Variants in PTGS1 observed in about 807,000 individuals in gnomAD.
PTGS1 encodes prostaglandin G/H synthase 1.
Under a neutral mutation model 63.0 loss-of-function variants are expected in PTGS1, and 40 were observed. The ratio of observed to expected loss-of-function variants is 0.63; its 90% CI spans 0.49 to 0.83. PTGS1 has a LOEUF of 0.83. Among genes scored for constraint, PTGS1 ranks in the 40% least tolerant of loss-of-function variants. The probability of loss-of-function intolerance (pLI) is 0.00; values close to 1 mark genes in which losing one functional copy is unlikely to be tolerated. For missense variants in PTGS1, 709 were observed against 786.5 expected (o/e 0.90, Z 1.18); for synonymous variants, 298 against 301.9 (o/e 0.99, Z 0.13).
intron 10 of PTGS1, among the ~76,000 whole-genome samples, chr9:122,391,835 A>G (rs1209659866): frequency 6.6e-6 from 1 of 152,054 alleles, no homozygotes; most frequent in Non-Finnish European, 1.5e-5. Flanking sequence ...TCTGTCTGTG[A>G]AGGAAGCCAG....
In PTGS1 at chr9:122,392,782, C is replaced by A; in HGVS notation, c.*238C>A. 1 of 451,176 alleles carries A rather than the reference C, an allele frequency of 2.2e-6. No individual in the cohort carries two copies. Among genetic ancestry groups the A allele is most frequent in the East Asian group, 3.3e-5 (1 of 30,514 alleles). 27.9% of individuals were successfully genotyped at this position (451,176 alleles called of 1,614,324 possible). On this transcript the variant is annotated 3_prime_UTR_variant, in exon 11 of 11. Transcript: ENST00000362012. Reference sequence around the variant, plus strand: ...TTGTTAGGAGTGGTTCTCATTTGGTCTGCCAGAATACTGGGTTCTTAGTTG... The same window carrying A: ...TTGTTAGGAGTGGTTCTCATTTGGTATGCCAGAATACTGGGTTCTTAGTTG...
At chr9:122,391,630 A>C (rs12005866) in intron 10 of PTGS1, among the ~76,000 whole-genome samples, 1 of 151,082 alleles carries the variant, frequency 6.6e-6, no homozygotes, top group African/African-American at 2.4e-5. Flanking sequence ...GAACATGTGG[A>C]TATTGCAGAG....
In PTGS1 at chr9:122,371,268, G is replaced by A. The variant is rs761424002; in HGVS notation, c.90G>A (p.Thr30=). ...TGCTCGCGGACCCAGGGGCGCCCAC[G>A]CCAGGTAGGCGGCCCCATCCCTCCC... ...PVLLADPGAP[T]PVNPCCYYPC... Residue 30 remains threonine, a synonymous_variant, in exon 2 of 11, where the codon ACG becomes ACA. Coordinates refer to ENST00000362012, the MANE Select transcript of PTGS1 (RefSeq NM_000962.4). 1 of 1,604,440 alleles carries A rather than the reference G, an allele frequency of 6.2e-7. No homozygotes were observed. Among genetic ancestry groups the A allele is most frequent in the Non-Finnish European group, 8.5e-7 (1 of 1,179,892 alleles).
In PTGS1 at chr9:122,386,651, G is replaced by A; in HGVS notation, c.1215G>A (p.Gln405=). ...GCTCCCAGGAGTACAGCTACGAGCA[G>A]TTCTTGTTCAACACCTCCATGTTGG... ...KVGSQEYSYE[Q]FLFNTSMLVD... Residue 405 remains glutamine, a synonymous_variant, in exon 9 of 11, where the codon CAG becomes CAA. Coordinates refer to ENST00000362012, the MANE Select transcript of PTGS1 (RefSeq NM_000962.4). 6.2e-7 allele frequency: 1 copy of A among 1,614,222 alleles called. No individual in the cohort carries two copies. The highest frequency in any genetic ancestry group is 8.5e-7 in the Non-Finnish European group (1 of 1,180,048).
chr9:122,383,993 A>C (rs1395845429), intron 8 of PTGS1, among the ~76,000 whole-genome samples: 1 of 152,204 alleles, frequency 6.6e-6, no homozygotes, highest in Non-Finnish European at 1.5e-5. Context: ...GGCAACTAGC[A>C]CATAGCAGGC....
In PTGS1 at chr9:122,371,232, G is replaced by T; in HGVS notation, c.54G>T (p.Pro18=). Residue 18 remains proline (P), a synonymous_variant, in exon 2 of 11, where the codon CCG becomes CCT. Coordinates refer to ENST00000362012, the MANE Select transcript of PTGS1 (RefSeq NM_000962.4). ...TGCTGTTCCTGCTCCTGCTCCCGCC[G>T]CTCCCCGTCCTGCTCGCGGACCCAG... is the stretch of plus-strand genomic sequence containing the variant. ...WFLLFLLLLP[P]LPVLLADPGA... 1 of 1,607,772 alleles carries T rather than the reference G, an allele frequency of 6.2e-7. No individual in the cohort carries two copies.
At chr9:122,391,367 A>ATG (rs1370252043) in intron 10 of PTGS1, among the ~76,000 whole-genome samples, 6 of 88,178 alleles carry the variant, frequency 6.8e-5, no homozygotes, top group African/African-American at 4.2e-4. Flanking sequence ...ACATATATAT[A>ATG]TATACATATA....
rs780776712 is a variant in PTGS1 at position 122,378,536 on chromosome 9, C to T, written c.315C>T (p.Thr105=). ...GRWFWEFVNA[T]FIREMLMRLV... is the part of the protein sequence containing the mutation. ...GGTTCTGGGAGTTTGTCAATGCCAC[C>T]TTCATCCGAGAGATGCTCATGCGCC... Residue 105 remains threonine (T), a synonymous_variant, in exon 4 of 11, where the codon ACC becomes ACT. Transcript: ENST00000362012. The T allele has an allele frequency of 6.8e-6, 11 of 1,614,114 alleles. No homozygotes were observed. The highest frequency in any genetic ancestry group is 9.3e-6 in the Non-Finnish European group (11 of 1,180,048).
chr9:122,376,509 A>C (rs1221468955), intron 2 of PTGS1, among the ~76,000 whole-genome samples: 1 of 152,130 alleles, frequency 6.6e-6, no homozygotes, highest in East Asian at 1.9e-4. Flanking sequence ...GATAGGGGGC[A>C]GGTCTTGCCC....
At position 122,378,926 on chromosome 9, in the gene PTGS1, G is replaced by A; in HGVS notation, c.496+8G>A. ...CACCCATGGGAACCAAAGGTAAAATGGGGTGAGGAGCTGGGCCTGGGGATT... is the reference window on the plus strand; with the variant it reads ...CACCCATGGGAACCAAAGGTAAAATAGGGTGAGGAGCTGGGCCTGGGGATT... On this transcript the variant is annotated splice_region_variant and intron_variant, in intron 5 of 10. Coordinates refer to ENST00000362012, the MANE Select transcript of PTGS1 (RefSeq NM_000962.4). 2 of 1,614,096 alleles carry A rather than the reference G, an allele frequency of 1.2e-6. No homozygotes were observed. Among genetic ancestry groups the A allele is most frequent in the African/African-American group, 2.7e-5 (2 of 75,066 alleles).
At chr9:122,385,584 A>T (rs147334746) in intron 8 of PTGS1, among the ~76,000 whole-genome samples, 1 of 152,020 alleles carries the variant, frequency 6.6e-6, no homozygotes, top group Admixed American at 6.6e-5. Context: ...ATTTATAAGA[A>T]TCCTGTTATA....
intron 5 of PTGS1, among the ~76,000 whole-genome samples, chr9:122,379,174 G>A (rs1490191649): frequency 6.6e-6 from 1 of 152,124 alleles, no homozygotes; most frequent in Non-Finnish European, 1.5e-5. Flanking sequence ...CTAATGATCA[G>A]TTGGGTCCTG....
chr9:122,381,004 A>G (rs1348831496), intron 5 of PTGS1, among the ~76,000 whole-genome samples: 1 of 152,148 alleles, frequency 6.6e-6, no homozygotes, highest in Non-Finnish European at 1.5e-5. Context: ...ATTATGGAAA[A>G]ATTGCAAAGA....
chr9:122,382,290 A>G (rs1399519595), intron 7 of PTGS1, among the ~76,000 whole-genome samples: 1 of 152,260 alleles, frequency 6.6e-6, no homozygotes, highest in Non-Finnish European at 1.5e-5. Context: ...CAATATGTCC[A>G]GGTAATTAGC....
At chr9:122,370,920 G>T (rs1366686541), upstream of PTGS1, 1 of 1,172,478 alleles carries the variant, frequency 8.5e-7, no homozygotes, top group Non-Finnish European at 1.2e-6. Context: ...CCTTGGCCGG[G>T]GCTGGGCAGA....
rs755511461 is a variant in PTGS1, at chr9:122,371,122, T to C, written c.7+31T>C. ...TGCGACCCCGGTGCCCGGTGGGGAA[T>C]TTTCTTGGCCTCCTGGTGGAGCCTT... On this transcript the variant is annotated intron_variant, in intron 1 of 10. Coordinates refer to ENST00000362012, the MANE Select transcript of PTGS1 (RefSeq NM_000962.4). 3 of 1,605,734 alleles carry C rather than the reference T, an allele frequency of 1.9e-6. No individual in the cohort carries two copies. In the South Asian group the frequency reaches 3.3e-5, roughly 18 times the overall value.
At chr9:122,378,181 G>A (rs1159524722) in intron 3 of PTGS1, among the ~76,000 whole-genome samples, 166 bp downstream of exon 3, 4 of 152,048 alleles carry the variant, frequency 2.6e-5, no homozygotes, top group East Asian at 1.9e-4. Context: ...ATGAGCTCTC[G>A]CTCTTGGTCC....
In PTGS1 at chr9:122,380,630, G is replaced by A. The variant is rs143298897; in HGVS notation, c.497-741G>A. On this transcript the variant is annotated intron_variant, in intron 5 of 10. Coordinates refer to ENST00000362012, the MANE Select transcript of PTGS1 (RefSeq NM_000962.4). ...ATGTGTCATCTGTGACTGCTTTCCCGCTACAATAGCAAAAACTGAATAGAT... is the reference window on the plus strand; with the variant it reads ...ATGTGTCATCTGTGACTGCTTTCCCACTACAATAGCAAAAACTGAATAGAT... Among the ~76,000 whole-genome samples the A allele has an allele frequency of 8.9e-4, 136 of 152,248 alleles. 1 individual carries two copies. The South Asian group carries it at 0.021, about 24-fold the overall frequency.
chr9:122,389,570 AG>A (rs1443712225), intron 9 of PTGS1, among the ~76,000 whole-genome samples: 1 of 152,012 alleles, frequency 6.6e-6, no homozygotes, highest in Non-Finnish European at 1.5e-5. Context: ...CTCCCTTCAC[AG>A]GGGGTTACAC....
Sources: gnomAD v4.1 joint callset for allele counts (sites outside exome capture counted in the v4.1 genomes callset) on GRCh38, gnomAD v4.1.1 for gene constraint, MANE v1.5 for transcripts, NCBI Gene and HGNC (gene_info 2026-07-23, HGNC 2026-07-21) for gene names.